PTTG1IP: variants seen among roughly 807,000 people sequenced by gnomAD.
PTTG1IP encodes the protein pituitary tumor-transforming gene 1 protein-interacting protein.
A neutral mutation model predicts 24.4 loss-of-function variants in PTTG1IP; 16 were observed. That is an observed-to-expected ratio of 0.66 (90% CI 0.44 to 1.00). PTTG1IP has a LOEUF of 1.00. Among genes scored for constraint, PTTG1IP ranks in the 50% least tolerant of loss-of-function variants. PTTG1IP has a pLI of 0.00. For synonymous variants in PTTG1IP, 89 were observed against 96.8 expected, an observed-to-expected ratio of 0.92 and a Z score of 0.47; for missense variants, 241 against 245.8, an observed-to-expected ratio of 0.98 and a Z score of 0.13.
intron 1 of PTTG1IP, 185 bp from the exon 2 acceptor site, chr21:44,865,632 C>CGA (rs1278032098): frequency 1.4e-5 from 9 of 654,644 alleles, no homozygotes. Flanking sequence ...ACATGTGGAA[C>CGA]GAGTGTTCAG....
chr21:44,873,356 A>G, intron 1 of PTTG1IP, 146 bp downstream of exon 1: 6 of 802,290 alleles, frequency 7.5e-6, no homozygotes, highest in Non-Finnish European at 8.1e-6. Flanking sequence ...ACCCTCGAGG[A>G]GCCTCCGTCG....
chr21:44,873,366 G>T, intron 1 of PTTG1IP, 136 bp downstream of exon 1: 2 of 902,204 alleles, frequency 2.2e-6, no homozygotes, highest in Non-Finnish European at 2.8e-6. Context: ...AGCCTCCGTC[G>T]GGGCGCTGCC....
intron 1 of PTTG1IP, among the ~76,000 whole-genome samples, 193 bp downstream of exon 1, chr21:44,873,309 C>T (rs2083605669): frequency 6.6e-6 from 1 of 152,290 alleles, no homozygotes; most frequent in African/African-American, 2.4e-5. Context: ...CGCGCCCCAG[C>T]CGCGACGGCA....
intron 3 of PTTG1IP, among the ~76,000 whole-genome samples, chr21:44,858,949 A>G (rs2083469426): frequency 6.6e-6 from 1 of 152,132 alleles, no homozygotes; most frequent in Non-Finnish European, 1.5e-5. Context: ...CACTCCAAAA[A>G]CATTTGGCAG....
chr21:44,865,750 C>A (rs235284), intron 1 of PTTG1IP: 134,695 of 502,554 alleles, frequency 0.27, 18,810 homozygotes, highest in Middle Eastern at 0.39. Flanking sequence ...TTTCAGATCT[C>A]TCTGTGAGAG....
intron 5 of PTTG1IP, among the ~76,000 whole-genome samples, chr21:44,852,506 T>G (rs1333002366): frequency 6.6e-6 from 1 of 152,112 alleles, no homozygotes; most frequent in Non-Finnish European, 1.5e-5. Context: ...CAATCTGTAT[T>G]GTACACTAAA....
intron 2 of PTTG1IP, 75 bp from the exon 3 acceptor site, chr21:44,861,346 C>G: frequency 8.0e-7 from 1 of 1,248,100 alleles, no homozygotes; most frequent in Non-Finnish European, 1.1e-6. Flanking sequence ...CTGCCCACAG[C>G]CCGCCAGTGC....
intron 1 of PTTG1IP, among the ~76,000 whole-genome samples, chr21:44,869,750 C>T (rs1249563591): frequency 6.6e-6 from 1 of 152,220 alleles, no homozygotes; most frequent in East Asian, 1.9e-4. Context: ...ACTTTCTGCG[C>T]CTCTGAGGTC....
chr21:44,851,744 C>G, intron 5 of PTTG1IP, 117 bp from the exon 6 acceptor site: 1 of 1,295,598 alleles, frequency 7.7e-7, no homozygotes, highest in Non-Finnish European at 1.1e-6. Context: ...CAACAACGGG[C>G]ATTGTAAGCA....
Position 44,857,766 on chromosome 21 carries a change from T to C in PTTG1IP, c.278-1402A>G, listed in dbSNP as rs565993600. Among the ~76,000 whole-genome samples, 11 of 152,340 alleles carry C rather than the reference T, an allele frequency of 7.2e-5. No homozygotes were observed. The East Asian group carries it at 1.7e-3, about 24-fold the overall frequency. The stretch of plus-strand genomic sequence containing the variant: ...ATCCGCATTTCTTAGTTTATTAAAA[T>C]AGTTTGAAAATCAGGAATAGGAGGT... On this transcript the variant is annotated intron_variant, in intron 3 of 5. Transcript: ENST00000330938.
At chr21:44,871,307 C>T (rs2083583525) in intron 1 of PTTG1IP, among the ~76,000 whole-genome samples, 1 of 152,156 alleles carries the variant, frequency 6.6e-6, no homozygotes, top group Non-Finnish European at 1.5e-5. Context: ...TGGGACCCAC[C>T]ACCTCGGGGA....
chr21:44,861,748 G>T (rs761424800), intron 2 of PTTG1IP: 1 of 717,230 alleles, frequency 1.4e-6, no homozygotes, highest in Non-Finnish European at 2.6e-6. Context: ...GTTTGCTTCC[G>T]TAGACCTCTC....
intron 1 of PTTG1IP, among the ~76,000 whole-genome samples, chr21:44,867,405 A>AG (rs2083550678): frequency 6.9e-6 from 1 of 145,230 alleles, no homozygotes; most frequent in East Asian, 2.0e-4. Flanking sequence ...GTATGGAGGG[A>AG]GGGGGGCAAT....
At chr21:44,865,547 C>G (rs1601254892) in intron 1 of PTTG1IP, 100 bp from the exon 2 acceptor site, 1 of 1,179,574 alleles carries the variant, frequency 8.5e-7, no homozygotes, top group Admixed American at 1.9e-5. Flanking sequence ...GGTGTGGCAC[C>G]AAGAACCTCT....
In PTTG1IP at chr21:44,861,164, C is replaced by T; in HGVS notation, c.276G>A (p.Trp92Ter). ...KLSSARWGVCWVNFEALIITM... is the reference protein window; with the variant it reads ...KLSSARWGVC Reference sequence around the variant, plus strand: ...CAGCAAATGAAAACAATGACTTACCCCAACAAACTCCCCAGCGTGCAGAGC... The same window carrying T: ...CAGCAAATGAAAACAATGACTTACCTCAACAAACTCCCCAGCGTGCAGAGC... Residue 92 changes from tryptophan to a stop codon, truncating the protein, a stop_gained and splice_region_variant, in exon 3 of 6, where the codon TGG (tryptophan) becomes TGA (stop). Transcript: ENST00000330938. LOFTEE classifies it high-confidence loss of function. The T allele has an allele frequency of 6.2e-7, 1 of 1,610,806 alleles. No individual in the cohort carries two copies. The highest frequency in any genetic ancestry group is 1.7e-5 in the Admixed American group (1 of 59,448).
rs749344323 is a variant in PTTG1IP at position 44,861,202 on chromosome 21, G to T, written c.238C>A (p.Leu80Ile). 5 of 1,614,020 alleles carry T rather than the reference G, an allele frequency of 3.1e-6. No individual in the cohort carries two copies. In the African/African-American group the frequency reaches 6.7e-5, roughly 22 times the overall value. Residue 80 changes from leucine (L) to isoleucine (I), a missense_variant, in exon 3 of 6, where the codon CTT (leucine) becomes ATT (isoleucine). Coordinates refer to ENST00000330938, the MANE Select transcript of PTTG1IP (RefSeq NM_004339.4). ...CAGCGTGCAGAGCTCAATTTACAAA[G>T]GGAAGCCGGTGGCAAGACGCTTGTA... The part of the protein sequence containing the change: ...PVTSVLPPAS[L>I]CKLSSARWGV...
At chr21:44,865,780 T>C (rs1601255106) in intron 1 of PTTG1IP, 7 of 411,548 alleles carry the variant, frequency 1.7e-5, no homozygotes, top group Non-Finnish European at 3.1e-5. Flanking sequence ...CCTGTGGCTG[T>C]GTAATCACTA....
At position 44,853,722 on chromosome 21, in the gene PTTG1IP, G is replaced by A. The variant is rs576188085; in HGVS notation, c.496+1488C>T. Among the ~76,000 whole-genome samples the A allele has an allele frequency of 1.3e-4, 19 of 149,560 alleles. No individual in the cohort carries two copies. The East Asian group carries it at 1.8e-3, about 14-fold the overall frequency. On this transcript the variant is annotated intron_variant, in intron 5 of 5. Transcript: ENST00000330938. ...TCACCACCCACTCCAGACACACACC[G>A]GGAAACAACAGGCGACAGAGAGGGT...
Position 44,861,054 on chromosome 21 carries a change from C to T in PTTG1IP, c.277+109G>A, listed in dbSNP as rs940231619. ...CCTGACCTCTTGATCCACCCGCCTC[C>T]GCCTCCCAAAGTGCTGGGATTACAG... On this transcript the variant is annotated intron_variant, in intron 3 of 5. Coordinates refer to ENST00000330938, the MANE Select transcript of PTTG1IP (RefSeq NM_004339.4). The T allele has an allele frequency of 1.2e-5, 10 of 829,838 alleles. No homozygotes were observed. In the East Asian group the frequency reaches 1.4e-4, roughly 12 times the overall value. The allele number at this position is 829,838 out of a possible 1,614,324, so 51.4% of individuals were successfully genotyped here. A position where few individuals can be genotyped will look rare whatever the true frequency, so the allele number is the denominator to read the frequency against.
Sources: allele counts gnomAD v4.1 joint callset (sites outside exome capture counted in the v4.1 genomes callset), GRCh38; gene constraint gnomAD v4.1.1; transcripts MANE v1.5; gene names NCBI Gene and HGNC (gene_info 2026-07-23, HGNC 2026-07-21).